SLC12A6: variants seen among roughly 807,000 people sequenced by gnomAD.
The protein encoded by SLC12A6 is solute carrier family 12 member 6.
In SLC12A6, 66 loss-of-function variants were observed where a neutral mutation model predicts 135.3. That is an observed-to-expected ratio of 0.49 (90% CI 0.40 to 0.60). The LOEUF is 0.60. Ranked by LOEUF, SLC12A6 falls within the 20% of genes least tolerant of loss-of-function variation. SLC12A6 has a pLI of 0.00. For missense variants in SLC12A6, 1,058 were observed against 1,452.3 expected, an observed-to-expected ratio of 0.73 and a Z score of 4.41; for synonymous variants, 513 against 508.8, an observed-to-expected ratio of 1.01 and a Z score of -0.11.
At chr15:34,279,861 T>C (rs960134450) in intron 2 of SLC12A6, among the ~76,000 whole-genome samples, 14 of 152,196 alleles carry the variant, frequency 9.2e-5, no homozygotes, top group Admixed American at 2.0e-4. Context: ...TAAAAACAGA[T>C]AGATGTAATC....
chr15:34,230,480 T>TA lies in SLC12A6; in HGVS notation c.*3400_*3401insT. 2 of 152,590 alleles carry TA rather than the reference T, an allele frequency of 1.3e-5. No individual in the cohort carries two copies. Among genetic ancestry groups the TA allele is most frequent in the African/African-American group, 4.8e-5 (2 of 41,450 alleles). The allele number at this position is 152,590 out of a possible 1,614,324, so 9.5% of individuals were successfully genotyped here. A position where few individuals can be genotyped will look rare whatever the true frequency, so the allele number is the denominator to read the frequency against. Reference sequence around the variant, plus strand: ...CCCCCTGCCGAAGGAACCTGGCACCTGTCAAGCAGATGCTGCAGTTCAAAC... The same window carrying TA: ...CCCCCTGCCGAAGGAACCTGGCACCTAGTCAAGCAGATGCTGCAGTTCAAAC... On this transcript the variant is annotated 3_prime_UTR_variant, in exon 26 of 26. Transcript: ENST00000354181.
intron 2 of SLC12A6, among the ~76,000 whole-genome samples, chr15:34,334,093 A>C (rs1890045979): frequency 1.3e-5 from 2 of 151,842 alleles, no homozygotes; most frequent in Admixed American, 1.3e-4. Context: ...AACAAAAAAA[A>C]CTTCATGTGT....
chr15:34,301,071 C>T (rs113918448), intron 2 of SLC12A6, among the ~76,000 whole-genome samples: 5,964 of 152,020 alleles, frequency 0.039, 218 homozygotes, highest in African/African-American at 0.098. Context: ...CAGGTTCAAG[C>T]GATTCTCCTG....
intron 2 of SLC12A6, among the ~76,000 whole-genome samples, chr15:34,283,798 G>C (rs1285670412): frequency 6.6e-6 from 1 of 152,028 alleles, no homozygotes. Flanking sequence ...CATCAAGCTG[G>C]AGTGCAGTGG....
At chr15:34,267,154 G>A (rs777305812) in intron 3 of SLC12A6, among the ~76,000 whole-genome samples, 21 of 150,828 alleles carry the variant, frequency 1.4e-4, no homozygotes, top group Non-Finnish European at 1.9e-4. Context: ...TGAACAACAC[G>A]AAGACTTTCT....
intron 2 of SLC12A6, among the ~76,000 whole-genome samples, chr15:34,287,605 G>A (rs1209750439): frequency 6.6e-6 from 1 of 152,164 alleles, no homozygotes; most frequent in Non-Finnish European, 1.5e-5. Context: ...CAGTGTAGAA[G>A]CATTCCTATT....
Position 34,255,386 on chromosome 15 carries a change from C to T in SLC12A6, c.752G>A (p.Gly251Asp). Residue 251 changes from glycine to aspartate, a missense_variant, in exon 8 of 26, where the codon GGC becomes GAC. By Grantham distance (94) the Gly-to-Asp change is moderately conservative. Around this residue, in one of 6 missense-constraint regions of SLC12A6, gnomAD observed 139 missense variants for 202.2 expected, o/e 0.69. Coordinates refer to ENST00000354181, the MANE Select transcript of SLC12A6 (RefSeq NM_001365088.1). ...TGCCCGGGAAATCATAAAGTATGAG[C>T]CCCCAGCTAAAAGACAAAACAGAAG... ...IATNGVVPAG[G>D]SYFMISRALG... 1 of 1,607,506 alleles carries T rather than the reference C, an allele frequency of 6.2e-7. No individual in the cohort carries two copies. Among genetic ancestry groups the T allele is most frequent in the Non-Finnish European group, 8.5e-7 (1 of 1,174,092 alleles).
intron 3 of SLC12A6, among the ~76,000 whole-genome samples, chr15:34,269,178 T>TC (rs1447557187): frequency 6.6e-6 from 1 of 151,884 alleles, no homozygotes; most frequent in Non-Finnish European, 1.5e-5. Context: ...TTCTTTTTTC[T>TC]CATTTTACTA....
intron 2 of SLC12A6, among the ~76,000 whole-genome samples, chr15:34,320,524 G>T (rs1431549525): frequency 6.6e-6 from 1 of 152,034 alleles, no homozygotes; most frequent in Non-Finnish European, 1.5e-5. Flanking sequence ...AGGAAAAAAA[G>T]AAGGTAAATA....
intron 2 of SLC12A6, among the ~76,000 whole-genome samples, chr15:34,311,906 G>C (rs1293747024): frequency 6.6e-6 from 1 of 152,086 alleles, no homozygotes; most frequent in East Asian, 1.9e-4. Context: ...CCCTTCCTCT[G>C]AGATACCTGT....
chr15:34,259,297 C>T (rs1215562061), intron 4 of SLC12A6, among the ~76,000 whole-genome samples: 2 of 151,236 alleles, frequency 1.3e-5, no homozygotes, highest in African/African-American at 2.4e-5. Flanking sequence ...GCCGAGATCG[C>T]GCCACTGCGC....
intron 3 of SLC12A6, among the ~76,000 whole-genome samples, chr15:34,264,347 T>A (rs116026962): frequency 0.027 from 4,163 of 152,304 alleles, 191 homozygotes; most frequent in African/African-American, 0.095. Flanking sequence ...TGATGTATTC[T>A]TTCCAAAAGA....
At chr15:34,249,000 C>T (rs1892198227) in intron 13 of SLC12A6, among the ~76,000 whole-genome samples, 1 of 152,074 alleles carries the variant, frequency 6.6e-6, no homozygotes, top group African/African-American at 2.4e-5. Context: ...CAGGAGATAA[C>T]AGTAAAAAGA....
At chr15:34,303,608 T>TC (rs1167658683) in intron 2 of SLC12A6, among the ~76,000 whole-genome samples, 5 of 152,124 alleles carry the variant, frequency 3.3e-5, no homozygotes, top group Non-Finnish European at 5.9e-5. Flanking sequence ...GGAAACTTAA[T>TC]CCCCAATGCA....
At chr15:34,332,436 C>T (rs1022404524) in intron 2 of SLC12A6, among the ~76,000 whole-genome samples, 1 of 152,208 alleles carries the variant, frequency 6.6e-6, no homozygotes, top group Non-Finnish European at 1.5e-5. Context: ...CAGACTGCCT[C>T]ATACATACCA....
intron 3 of SLC12A6, among the ~76,000 whole-genome samples, chr15:34,270,460 C>A (rs1030913538): frequency 6.6e-6 from 1 of 152,050 alleles, no homozygotes; most frequent in Non-Finnish European, 1.5e-5. Context: ...TGTATTAGCC[C>A]TTCCTCATGC....
intron 2 of SLC12A6, chr15:34,318,506 ACT>A: frequency 7.3e-7 from 1 of 1,362,318 alleles, no homozygotes; most frequent in Admixed American, 1.7e-5. Context: ...TATCCTAGTT[ACT>A]TCTTTCATGA....
intron 2 of SLC12A6, among the ~76,000 whole-genome samples, chr15:34,311,913 C>T (rs927568690): frequency 2.0e-5 from 3 of 152,178 alleles, no homozygotes; most frequent in Non-Finnish European, 4.4e-5. Context: ...TCTGAGATAC[C>T]TGTCCAGGGT....
chr15:34,328,410 G>C (rs1219110317), intron 2 of SLC12A6, among the ~76,000 whole-genome samples: 4 of 152,152 alleles, frequency 2.6e-5, no homozygotes, highest in Non-Finnish European at 5.9e-5. Flanking sequence ...CTGAATATCA[G>C]AAATGTTAAA....
Sources: allele counts gnomAD v4.1 joint callset (sites outside exome capture counted in the v4.1 genomes callset), GRCh38; gene constraint gnomAD v4.1.1; regional missense constraint gnomAD v4.1.1; transcripts MANE v1.5; gene names NCBI Gene and HGNC (gene_info 2026-07-23, HGNC 2026-07-21).